The following FMN2 variants were observed in gnomAD, a reference collection of about 807,000 sequenced individuals.
The protein encoded by FMN2 is formin-2.
Under a neutral mutation model 142.3 loss-of-function variants are expected in FMN2, and 51 were observed. That is an observed-to-expected ratio of 0.36 (90% CI 0.29 to 0.45). FMN2 has a LOEUF of 0.45. Ranked by LOEUF, FMN2 falls within the 20% of genes least tolerant of loss-of-function variation. The probability of loss-of-function intolerance (pLI) is 1.00; values close to 1 mark genes in which losing one functional copy is unlikely to be tolerated. For synonymous variants in FMN2, 882 were observed against 869.8 expected, an observed-to-expected ratio of 1.01 and a Z score of -0.25; for missense variants, 1,936 against 2,122.8, an observed-to-expected ratio of 0.91 and a Z score of 1.73.
At chr1:240,258,463 A>G (rs1295499066) in intron 7 of FMN2, among the ~76,000 whole-genome samples, 1 of 152,134 alleles carries the variant, frequency 6.6e-6, no homozygotes, top group Admixed American at 6.5e-5. Context: ...AGAAGGAAAG[A>G]GAGCTCTCTT....
chr1:240,388,881 G>C (rs1035293725), intron 14 of FMN2, among the ~76,000 whole-genome samples: 1 of 151,232 alleles, frequency 6.6e-6, no homozygotes, highest in South Asian at 2.1e-4. Flanking sequence ...AAAAAAAGGG[G>C]GGGGGTCAAG....
Position 240,092,077 on chromosome 1 carries a change from C to T in FMN2, c.-33C>T, listed in dbSNP as rs371374779. 1 of 1,528,520 alleles carries T rather than the reference C, an allele frequency of 6.5e-7. No individual in the cohort carries two copies. Among genetic ancestry groups the T allele is most frequent in the Non-Finnish European group, 8.8e-7 (1 of 1,139,550 alleles). 94.7% of individuals were successfully genotyped at this position (1,528,520 alleles called of 1,614,324 possible). A position where few individuals can be genotyped will look rare whatever the true frequency, so the allele number is the denominator to read the frequency against. ...GGAGGGCCGGGATGGCCTGAGTGCC[C>T]GCGGCGCGGCGGCGCAGCAGCGGGA... On this transcript the variant is annotated 5_prime_UTR_variant, in exon 1 of 18. Transcript: ENST00000319653.
intron 6 of FMN2, among the ~76,000 whole-genome samples, chr1:240,255,899 G>A (rs1278128777): frequency 6.6e-6 from 1 of 152,110 alleles, no homozygotes; most frequent in Non-Finnish European, 1.5e-5. Context: ...ATAATGCGAC[G>A]AAAATAAGAT....
intron 15 of FMN2, among the ~76,000 whole-genome samples, chr1:240,433,664 T>C (rs1478292735): frequency 2.0e-5 from 3 of 152,228 alleles, no homozygotes; most frequent in African/African-American, 7.2e-5. Flanking sequence ...TAAAACATCT[T>C]CCAGTTTCAG....
chr1:240,309,804 GA>G (rs1670541742), intron 8 of FMN2, among the ~76,000 whole-genome samples: 2 of 152,162 alleles, frequency 1.3e-5, no homozygotes, highest in Admixed American at 1.3e-4. Context: ...AAGGCAAACT[GA>G]GGGATGAGAG....
At chr1:240,172,098 T>G (rs1664725419) in intron 2 of FMN2, among the ~76,000 whole-genome samples, 1 of 152,186 alleles carries the variant, frequency 6.6e-6, no homozygotes, top group South Asian at 2.1e-4. Flanking sequence ...ATACTTGACA[T>G]TCCTGAGAAA....
chr1:240,099,530 A>T (rs748429429), intron 1 of FMN2, among the ~76,000 whole-genome samples: 6 of 152,054 alleles, frequency 3.9e-5, no homozygotes, highest in Non-Finnish European at 7.4e-5. Flanking sequence ...TGCTCTGCAC[A>T]GCATCTGGCT....
rs1156840210 is a variant in FMN2 at position 240,093,341 on chromosome 1, A to C, written c.1232A>C (p.Tyr411Ser). 6.2e-7 allele frequency: 1 copy of C among 1,611,830 alleles called. No individual in the cohort carries two copies. The highest frequency in any genetic ancestry group is 1.1e-5 in the South Asian group (1 of 90,930). ...CCTAGCCAGCGCTGTTTCAAGCCCT[A>C]CCCGCTCATCACCCCCTGCTACATC... Reference protein sequence around the residue: ...PAPSQRCFKPYPLITPCYIKT... With the variant: ...PAPSQRCFKPSPLITPCYIKT... The change falls in exon 1 of 18, where the codon TAC (tyrosine) becomes TCC (serine). Residue 411 changes from tyrosine to serine, a missense_variant. Transcript: ENST00000319653.
chr1:240,474,211 G>T lies in FMN2; in HGVS notation c.*57G>T. On this transcript the variant is annotated 3_prime_UTR_variant, in exon 18 of 18. Coordinates refer to ENST00000319653, the MANE Select transcript of FMN2 (RefSeq NM_020066.5). The stretch of plus-strand genomic sequence containing the variant: ...GCAACGACTTTCACAAAATTCAGCT[G>T]ACCTGAGAGTGGGAGGGAAACTACC... The T allele has an allele frequency of 6.8e-7, 1 of 1,475,998 alleles. No homozygotes were observed. The highest frequency in any genetic ancestry group is 1.5e-5 in the African/African-American group (1 of 68,542). The allele number at this position is 1,475,998 out of a possible 1,614,324, so 91.4% of individuals were successfully genotyped here.
chr1:240,210,947 A>G, intron 5 of FMN2, 144 bp from the exon 6 acceptor site: 1 of 643,060 alleles, frequency 1.6e-6, no homozygotes, highest in Non-Finnish European at 2.5e-6. Flanking sequence ...AAGAAAAAGA[A>G]TATTTTTTCC....
intron 11 of FMN2, among the ~76,000 whole-genome samples, chr1:240,332,532 C>G (rs945210134): frequency 6.6e-6 from 1 of 151,974 alleles, no homozygotes; most frequent in African/African-American, 2.4e-5. Context: ...TTCTAGTGAT[C>G]ATATATAAAT....
At chr1:240,278,699 C>G (rs1669298710) in intron 7 of FMN2, among the ~76,000 whole-genome samples, 1 of 152,132 alleles carries the variant, frequency 6.6e-6, no homozygotes, top group Admixed American at 6.6e-5. Context: ...AACGATTTCC[C>G]TTACACAGAT....
intron 14 of FMN2, among the ~76,000 whole-genome samples, chr1:240,358,123 G>C (rs1009191456): frequency 6.6e-6 from 1 of 151,984 alleles, no homozygotes; most frequent in East Asian, 1.9e-4. Context: ...TTTCTTCTTT[G>C]CATCTGTTCG....
intron 1 of FMN2, among the ~76,000 whole-genome samples, chr1:240,097,368 T>C (rs1661237832): frequency 6.6e-6 from 1 of 151,386 alleles, no homozygotes. Flanking sequence ...TTTTTTTTTT[T>C]TTTTTGAGAC....
chr1:240,118,053 T>G (rs1290557188), intron 1 of FMN2, among the ~76,000 whole-genome samples: 1 of 151,306 alleles, frequency 6.6e-6, no homozygotes, highest in African/African-American at 2.4e-5. Flanking sequence ...AGAAGAAGAG[T>G]GTTCTAGTGC....
At chr1:240,238,401 T>G (rs2102862496) in intron 6 of FMN2, among the ~76,000 whole-genome samples, 1 of 152,290 alleles carries the variant, frequency 6.6e-6, no homozygotes, top group East Asian at 1.9e-4. Flanking sequence ...CATTAAAACT[T>G]ATTTGGTGAA....
At chr1:240,384,887 A>C (rs1337055200) in intron 14 of FMN2, among the ~76,000 whole-genome samples, 1 of 152,208 alleles carries the variant, frequency 6.6e-6, no homozygotes, top group Non-Finnish European at 1.5e-5. Context: ...AGTAATATCA[A>C]CATCATTCCA....
intron 1 of FMN2, among the ~76,000 whole-genome samples, chr1:240,103,127 A>G (rs1470524582): frequency 6.6e-6 from 1 of 152,086 alleles, no homozygotes; most frequent in East Asian, 1.9e-4. Flanking sequence ...CGGCCTCCCA[A>G]AATGCTGGGA....
intron 7 of FMN2, among the ~76,000 whole-genome samples, chr1:240,280,387 A>G (rs1669356748): frequency 6.6e-6 from 1 of 152,250 alleles, no homozygotes; most frequent in East Asian, 1.9e-4. Flanking sequence ...TTGGTATGAA[A>G]GTTATTTTGG....
Sources: gnomAD v4.1 joint callset for allele counts (sites outside exome capture counted in the v4.1 genomes callset) on GRCh38, gnomAD v4.1.1 for gene constraint, MANE v1.5 for transcripts, NCBI Gene and HGNC (gene_info 2026-07-23, HGNC 2026-07-21) for gene names.